SLC25A13: variants seen among roughly 807,000 people sequenced by gnomAD.
The protein encoded by SLC25A13 is electrogenic aspartate/glutamate antiporter SLC25A13, mitochondrial.
Under a neutral mutation model 85.5 loss-of-function variants are expected in SLC25A13, and 70 were observed. The observed-to-expected ratio is 0.82, with a 90% CI of 0.68 to 1.00. The LOEUF is 1.00. SLC25A13 is among the 50% of genes least tolerant of loss of function. The pLI is 0.00. For missense variants in SLC25A13, 765 were observed against 819.8 expected (o/e 0.93, Z 0.82); for synonymous variants, 259 against 288.7 (o/e 0.90, Z 1.04).
intron 3 of SLC25A13, among the ~76,000 whole-genome samples, chr7:96,266,270 A>C (rs1425980461): frequency 1.3e-5 from 2 of 152,204 alleles, no homozygotes; most frequent in Non-Finnish European, 2.9e-5. Context: ...CTTTGAGGTC[A>C]GGTGTTCTGG....
chr7:96,173,185 G>A (rs1794080008), intron 11 of SLC25A13, among the ~76,000 whole-genome samples: 1 of 152,236 alleles, frequency 6.6e-6, no homozygotes, highest in Non-Finnish European at 1.5e-5. Flanking sequence ...GGAAAAATGG[G>A]AGGAAGTCCT....
intron 3 of SLC25A13, among the ~76,000 whole-genome samples, chr7:96,252,257 T>C (rs1300000775): frequency 1.3e-5 from 2 of 152,166 alleles, no homozygotes; most frequent in Non-Finnish European, 2.9e-5. Context: ...GAGGGAGTAC[T>C]GACGATACAT....
chr7:96,133,962 A>G (rs1291210909), intron 14 of SLC25A13, among the ~76,000 whole-genome samples: 1 of 151,638 alleles, frequency 6.6e-6, no homozygotes, highest in Non-Finnish European at 1.5e-5. Flanking sequence ...ATTAAAAAAC[A>G]TTATTTCTTG....
intron 4 of SLC25A13, among the ~76,000 whole-genome samples, chr7:96,213,697 C>A (rs1182824393): frequency 6.6e-6 from 1 of 152,168 alleles, no homozygotes; most frequent in Admixed American, 6.5e-5. Flanking sequence ...AGGTAAGAAC[C>A]ACCTGCTAGA....
intron 4 of SLC25A13, among the ~76,000 whole-genome samples, chr7:96,209,353 T>TATACACACAC (rs1795599107): frequency 1.4e-5 from 2 of 145,544 alleles, no homozygotes; most frequent in African/African-American, 2.6e-5. Flanking sequence ...GGAAAACACA[T>TATACACACAC]ACACACACAC....
At chr7:96,262,801 C>T (rs1329860984) in intron 3 of SLC25A13, among the ~76,000 whole-genome samples, 2 of 152,092 alleles carry the variant, frequency 1.3e-5, no homozygotes, top group East Asian at 1.9e-4. Flanking sequence ...AGAACTGGGT[C>T]GAAATGCTAG....
chr7:96,272,317 C>T (rs899487521), intron 3 of SLC25A13, among the ~76,000 whole-genome samples: 3 of 152,120 alleles, frequency 2.0e-5, no homozygotes, highest in South Asian at 4.2e-4. Flanking sequence ...GAGAGAGACA[C>T]AAAATTTAAA....
chr7:96,203,795 C>T (rs1243076550), intron 5 of SLC25A13, among the ~76,000 whole-genome samples: 2 of 152,184 alleles, frequency 1.3e-5, no homozygotes, highest in Non-Finnish European at 2.9e-5. Context: ...CAGTACAATG[C>T]ACCCCTAAGA....
chr7:96,206,747 A>G (rs1051885627), intron 5 of SLC25A13, among the ~76,000 whole-genome samples: 1 of 152,188 alleles, frequency 6.6e-6, no homozygotes, highest in African/African-American at 2.4e-5. Flanking sequence ...ATGCCTTACA[A>G]ATTGTTTGGA....
intron 11 of SLC25A13, among the ~76,000 whole-genome samples, chr7:96,179,810 G>A (rs920898455): frequency 1.3e-5 from 2 of 152,196 alleles, no homozygotes; most frequent in Admixed American, 6.5e-5. Context: ...GTGTTCTTAA[G>A]TAATGCAAAA....
At chr7:96,233,924 G>A (rs143380945) in intron 4 of SLC25A13, among the ~76,000 whole-genome samples, 4 of 152,250 alleles carry the variant, frequency 2.6e-5, no homozygotes, top group East Asian at 1.9e-4. Context: ...GTTCTATGAC[G>A]CTATGAAAAC....
At chr7:96,207,101 C>T (rs371013721) in intron 5 of SLC25A13, among the ~76,000 whole-genome samples, 25 of 152,164 alleles carry the variant, frequency 1.6e-4, no homozygotes, top group Middle Eastern at 3.4e-3. Flanking sequence ...ATCTGAGTTA[C>T]GTAAGTAGGT....
At chr7:96,229,924 C>CA (rs1306660653) in intron 4 of SLC25A13, among the ~76,000 whole-genome samples, 3 of 152,210 alleles carry the variant, frequency 2.0e-5, no homozygotes, top group African/African-American at 7.2e-5. Context: ...ATTCCAGACA[C>CA]ACCATTACTT....
intron 11 of SLC25A13, among the ~76,000 whole-genome samples, chr7:96,175,691 C>T (rs1794193039): frequency 6.6e-6 from 1 of 152,168 alleles, no homozygotes; most frequent in African/African-American, 2.4e-5. Context: ...TCTGTAGATG[C>T]ATGGGGTGGC....
chr7:96,249,557 T>G (rs1295498260), intron 3 of SLC25A13, among the ~76,000 whole-genome samples: 5 of 152,226 alleles, frequency 3.3e-5, no homozygotes, highest in Admixed American at 3.3e-4. Flanking sequence ...AGAAAAATTT[T>G]CTGTCCCAAT....
chr7:96,198,971 T>G (rs1055641461), intron 5 of SLC25A13, among the ~76,000 whole-genome samples: 4 of 152,134 alleles, frequency 2.6e-5, no homozygotes, highest in Non-Finnish European at 5.9e-5. Context: ...AAGGTACAGG[T>G]AGAAATACAG....
At chr7:96,251,981 G>T (rs1032335578) in intron 3 of SLC25A13, among the ~76,000 whole-genome samples, 4 of 152,308 alleles carry the variant, frequency 2.6e-5, no homozygotes, top group African/African-American at 7.2e-5. Flanking sequence ...ATCCTTCACA[G>T]ATGAATACAG....
At chr7:96,150,963 GATAATTATAT>G (rs1182052218) in intron 13 of SLC25A13, among the ~76,000 whole-genome samples, 2 of 152,048 alleles carry the variant, frequency 1.3e-5, no homozygotes, top group African/African-American at 4.8e-5. Flanking sequence ...CATGAGAACA[GATAATTATAT>G]GATAAGATCC....
chr7:96,243,546 G>GT (rs1040323717), intron 3 of SLC25A13, among the ~76,000 whole-genome samples: 69 of 151,674 alleles, frequency 4.5e-4, no homozygotes, highest in Non-Finnish European at 8.5e-4. Flanking sequence ...CACTCATTTG[G>GT]TTTTTTTTTA....
Sources: gnomAD v4.1 joint callset for allele counts (sites outside exome capture counted in the v4.1 genomes callset) on GRCh38, gnomAD v4.1.1 for gene constraint, MANE v1.5 for transcripts, NCBI Gene and HGNC (gene_info 2026-07-23, HGNC 2026-07-21) for gene names.